The following MMRN1 variants were observed in gnomAD, a reference collection of about 807,000 sequenced individuals.
MMRN1 encodes multimerin 1.
Under a neutral mutation model 100.7 loss-of-function variants are expected in MMRN1, and 94 were observed. The ratio of observed to expected loss-of-function variants is 0.93; its 90% confidence interval spans 0.79 to 1.11. The LOEUF (loss-of-function observed/expected upper bound fraction) is 1.11. MMRN1 is among the 50% of genes least tolerant of loss of function. The probability of loss-of-function intolerance (pLI) is 0.00; values close to 1 mark genes in which losing one functional copy is unlikely to be tolerated. For synonymous variants in MMRN1, 575 were observed against 505.0 expected, an observed-to-expected ratio of 1.14 and a Z score of -1.86; for missense variants, 1,606 against 1,439.1, an observed-to-expected ratio of 1.12 and a Z score of -1.88.
At chr4:89,943,097 G>A (rs992919581) in intron 6 of MMRN1, among the ~76,000 whole-genome samples, 6 of 152,138 alleles carry the variant, frequency 3.9e-5, no homozygotes, top group African/African-American at 1.4e-4. Flanking sequence ...ACTGGAGAGA[G>A]AGCAGTCTGG....
At chr4:89,896,259 C>A (rs1721204426) in intron 1 of MMRN1, among the ~76,000 whole-genome samples, 1 of 152,144 alleles carries the variant, frequency 6.6e-6, no homozygotes, top group African/African-American at 2.4e-5. Context: ...AGGTGCTCAA[C>A]AACTCAAATT....
intron 6 of MMRN1, among the ~76,000 whole-genome samples, chr4:89,943,716 G>A (rs1722900595): frequency 6.6e-6 from 1 of 152,118 alleles, no homozygotes; most frequent in South Asian, 2.1e-4. Context: ...GAGGCTGGGA[G>A]CGGTGGCTCA....
Position 89,932,512 on chromosome 4 carries a change from G to C in MMRN1, c.1130-2298G>C, listed in dbSNP as rs13116900. ...ATTTCCCTTCTGCACCACCCTAGCA[G>C]AGGTTCTCTATGAAGGCTGTGCCCC... On this transcript the variant is annotated intron_variant, in intron 5 of 7. Coordinates refer to ENST00000264790, the MANE Select transcript of MMRN1 (RefSeq NM_007351.3). Among the ~76,000 whole-genome samples, 817 of 152,302 alleles carry C rather than the reference G, an allele frequency of 5.4e-3. 2 individuals are homozygous for C. Among genetic ancestry groups the C allele is most frequent in the Non-Finnish European group, 8.9e-3 (603 of 68,018 alleles).
chr4:89,888,381 T>C (rs1389717135), intron 1 of MMRN1, among the ~76,000 whole-genome samples: 1 of 151,836 alleles, frequency 6.6e-6, no homozygotes, highest in Admixed American at 6.6e-5. Flanking sequence ...TTGCTCTCTC[T>C]CATCTATCTG....
At position 89,897,462 on chromosome 4, in the gene MMRN1, C is replaced by T. The variant is rs186818277; in HGVS notation, c.623+1868C>T. Among the ~76,000 whole-genome samples the T allele has an allele frequency of 4.8e-3, 730 of 152,180 alleles. 5 individuals carry two copies. Among genetic ancestry groups the T allele is most frequent in the African/African-American group, 0.017 (706 of 41,510 alleles). On this transcript the variant is annotated intron_variant, in intron 1 of 7. Coordinates refer to ENST00000264790, the MANE Select transcript of MMRN1 (RefSeq NM_007351.3). ...TGACCTCATGATCCACCCACCTCAG[C>T]CTCCCAAAGTGCTGGGATTACAGGC...
At chr4:89,886,004 T>TTTTTTTA (rs565467283) in intron 1 of MMRN1, among the ~76,000 whole-genome samples, 1 of 151,714 alleles carries the variant, frequency 6.6e-6, no homozygotes, top group Non-Finnish European at 1.5e-5. Flanking sequence ...TTTCTTCTTC[T>TTTTTTTA]TTTTTTATTT....
chr4:89,903,798 G>A (rs1721466040), intron 1 of MMRN1, among the ~76,000 whole-genome samples: 2 of 149,524 alleles, frequency 1.3e-5, no homozygotes, highest in African/African-American at 4.9e-5. Context: ...GACGAACTAT[G>A]TTATGGGAAA....
intron 3 of MMRN1, among the ~76,000 whole-genome samples, chr4:89,921,635 T>G (rs574369768): frequency 6.6e-5 from 10 of 152,298 alleles, no homozygotes; most frequent in African/African-American, 2.4e-4. Flanking sequence ...AGCTGCAGAT[T>G]GCTTTTGTCC....
In MMRN1 at chr4:89,936,035, T is replaced by C. The variant is rs1450260402; in HGVS notation, c.2355T>C (p.Ser785=). The C allele has an allele frequency of 9.3e-6, 15 of 1,612,448 alleles. No individual in the cohort carries two copies. The highest frequency in any genetic ancestry group is 1.3e-5 in the Non-Finnish European group (15 of 1,179,408). Reference sequence around the variant, plus strand: ...CTCAGTTCCACCGTCTGAATGATTCTATTCAGACTTTGGTCAATGACAATC... The same window carrying C: ...CTCAGTTCCACCGTCTGAATGATTCCATTCAGACTTTGGTCAATGACAATC... The part of the protein sequence containing the change: ...FIPQFHRLND[S]IQTLVNDNQR... The change falls in exon 6 of 8, where the codon TCT becomes TCC. Residue 785 remains serine (S), a synonymous_variant. Coordinates refer to ENST00000264790, the MANE Select transcript of MMRN1 (RefSeq NM_007351.3).
intron 1 of MMRN1, among the ~76,000 whole-genome samples, chr4:89,898,889 T>C (rs1721296547): frequency 6.6e-6 from 1 of 152,134 alleles, no homozygotes; most frequent in Non-Finnish European, 1.5e-5. Context: ...ATTTGTAGTA[T>C]CTTTGCATAT....
chr4:89,931,166 T>G (rs1245283003), intron 5 of MMRN1, among the ~76,000 whole-genome samples: 1 of 152,192 alleles, frequency 6.6e-6, no homozygotes, highest in African/African-American at 2.4e-5. Context: ...TATTTTCATC[T>G]GGCAACATGG....
At chr4:89,897,476 G>T (rs113863514) in intron 1 of MMRN1, among the ~76,000 whole-genome samples, 8,485 of 152,050 alleles carry the variant, frequency 0.056, 352 homozygotes, top group African/African-American at 0.12. Flanking sequence ...CCAAAGTGCT[G>T]GGATTACAGG....
intron 4 of MMRN1, among the ~76,000 whole-genome samples, chr4:89,925,136 A>AT (rs1553923745): frequency 6.6e-6 from 1 of 150,884 alleles, no homozygotes; most frequent in Non-Finnish European, 1.5e-5. Flanking sequence ...ATTCTTTTTT[A>AT]TTATTTATTT....
chr4:89,925,289 C>G (rs1294402173), intron 4 of MMRN1, among the ~76,000 whole-genome samples: 1 of 147,620 alleles, frequency 6.8e-6, no homozygotes, highest in Non-Finnish European at 1.5e-5. Context: ...GCACGTCCCA[C>G]CATGCCTGGT....
Position 89,935,725 on chromosome 4 carries a change from C to T in MMRN1, c.2045C>T (p.Thr682Ile). The T allele has an allele frequency of 6.2e-7, 1 of 1,611,586 alleles. No homozygotes were observed. ...ATAAGGAAAAAGATAGAAAATCTGA[C>T]TAGTGCTGTCAATAGTCTAAATTTT... ...IVIRKKIENL[T>I]SAVNSLNFII... Residue 682 changes from threonine (T) to isoleucine (I), a missense_variant, in exon 6 of 8, where the codon ACT (threonine) becomes ATT (isoleucine). Thr to Ile is a moderately conservative substitution (Grantham distance 89). Coordinates refer to ENST00000264790, the MANE Select transcript of MMRN1 (RefSeq NM_007351.3).
chr4:89,912,065 T>A lies in MMRN1; in HGVS notation c.850+15T>A. 1 of 1,487,492 alleles carries A rather than the reference T, an allele frequency of 6.7e-7. No homozygotes were observed. Among genetic ancestry groups the A allele is most frequent in the Non-Finnish European group, 9.2e-7 (1 of 1,085,612 alleles). The allele number at this position is 1,487,492 out of a possible 1,614,324, so 92.1% of individuals were successfully genotyped here. On this transcript the variant is annotated intron_variant, in intron 3 of 7. Coordinates refer to ENST00000264790, the MANE Select transcript of MMRN1 (RefSeq NM_007351.3). Reference sequence around the variant, plus strand: ...TCAACTAAGAGGTACACTCTAATATTAATAATCACAATTCTGAACAATAAG... The same window carrying A: ...TCAACTAAGAGGTACACTCTAATATAAATAATCACAATTCTGAACAATAAG...
intron 1 of MMRN1, among the ~76,000 whole-genome samples, chr4:89,889,181 T>A (rs910410369): frequency 6.6e-6 from 1 of 152,118 alleles, no homozygotes; most frequent in African/African-American, 2.4e-5. Context: ...TTAAAATACT[T>A]TGAGGACGTG....
At chr4:89,912,892 T>C (rs1234181678) in intron 3 of MMRN1, among the ~76,000 whole-genome samples, 1 of 151,270 alleles carries the variant, frequency 6.6e-6, no homozygotes, top group Non-Finnish European at 1.5e-5. Context: ...TTTATGGTTT[T>C]ACTAGCCTAT....
At chr4:89,920,695 A>G (rs1722060162) in intron 3 of MMRN1, among the ~76,000 whole-genome samples, 4 of 152,020 alleles carry the variant, frequency 2.6e-5, no homozygotes, top group Admixed American at 2.6e-4. Flanking sequence ...TATATCTAGT[A>G]TTTTCTGCAT....
Sources: allele counts gnomAD v4.1 joint callset (sites outside exome capture counted in the v4.1 genomes callset), GRCh38; gene constraint gnomAD v4.1.1; transcripts MANE v1.5; gene names NCBI Gene and HGNC (gene_info 2026-07-23, HGNC 2026-07-21).